ADGRL2: variants seen among roughly 807,000 people sequenced by gnomAD.
The protein encoded by ADGRL2 is calcium-independent alpha-latrotoxin receptor 2.
In ADGRL2, 44 loss-of-function variants were observed where a neutral mutation model predicts 157.4. The ratio of observed to expected loss-of-function variants is 0.28; its 90% CI spans 0.22 to 0.36. ADGRL2 has a LOEUF of 0.36. ADGRL2 is among the 10% of genes least tolerant of loss of function. The pLI, the probability that ADGRL2 is intolerant of heterozygous loss-of-function variation, is 1.00. For missense variants in ADGRL2, 1,510 were observed against 1,768.9 expected, an observed-to-expected ratio of 0.85 and a Z score of 2.63; for synonymous variants, 585 against 624.7, an observed-to-expected ratio of 0.94 and a Z score of 0.95.
At chr1:81,692,646 TTATC>T (rs2083365893) in intron 3 of ADGRL2, among the ~76,000 whole-genome samples, 1 of 152,210 alleles carries the variant, frequency 6.6e-6, no homozygotes, top group Non-Finnish European at 1.5e-5. Context: ...CTCTAAGTGT[TTATC>T]TAAAGATGAT....
intron 2 of ADGRL2, among the ~76,000 whole-genome samples, chr1:81,871,928 T>C (rs1571825906): frequency 6.6e-6 from 1 of 152,198 alleles, no homozygotes; most frequent in East Asian, 1.9e-4. Context: ...AGAAGCTCTT[T>C]AGTTTAATTA....
intron 3 of ADGRL2, among the ~76,000 whole-genome samples, chr1:81,626,695 C>G (rs2081918344): frequency 6.6e-6 from 1 of 152,200 alleles, no homozygotes; most frequent in Non-Finnish European, 1.5e-5. Flanking sequence ...GTCAACTGGC[C>G]AGGGCGGTGG....
At chr1:81,464,972 T>C (rs2078023157) in intron 2 of ADGRL2, among the ~76,000 whole-genome samples, 1 of 150,490 alleles carries the variant, frequency 6.6e-6, no homozygotes, top group Admixed American at 6.6e-5. Context: ...AAAGGAATAC[T>C]TGACAAAGTG....
intron 3 of ADGRL2, among the ~76,000 whole-genome samples, chr1:81,684,924 T>C (rs1046855465): frequency 2.0e-5 from 3 of 152,176 alleles, no homozygotes; most frequent in Non-Finnish European, 4.4e-5. Flanking sequence ...TTTGTTTGCT[T>C]TGTTGAAGAT....
At chr1:81,488,488 T>C (rs943177380) in intron 2 of ADGRL2, among the ~76,000 whole-genome samples, 5 of 150,476 alleles carry the variant, frequency 3.3e-5, no homozygotes, top group African/African-American at 1.2e-4. Flanking sequence ...TAGCTTGAGC[T>C]CAGGAGTTTT....
Position 81,735,782 on chromosome 1 carries a change from T to G in ADGRL2, c.-142-26029T>G, listed in dbSNP as rs2084876413. On this transcript the variant is annotated intron_variant, in intron 1 of 20. Coordinates refer to the ADGRL2 transcript ENST00000359929. ...CCCAGCCTGGGTGACAGAGTGAGAC[T>G]CCATCTCAAAAAAAAAAAGGTGTAA... 2.0e-5 allele frequency among the ~76,000 whole-genome samples: 3 copies of G among 147,000 alleles called. No individual in the cohort carries two copies. In the Admixed American group the frequency reaches 2.0e-4, roughly 10 times the overall value.
intron 2 of ADGRL2, among the ~76,000 whole-genome samples, chr1:81,445,318 G>A (rs545270589): frequency 2.6e-5 from 4 of 152,312 alleles, no homozygotes; most frequent in Non-Finnish European, 2.9e-5. Context: ...GTTGTATGTT[G>A]CTTAAGACTG....
chr1:81,711,734 G>A (rs2083937122), intron 1 of ADGRL2, among the ~76,000 whole-genome samples: 2 of 152,134 alleles, frequency 1.3e-5, no homozygotes, highest in African/African-American at 4.8e-5. Context: ...CATTGCAAAT[G>A]TCAACAGAGT....
In ADGRL2 at chr1:81,993,062, T is replaced by C. The variant is rs1187693894; in HGVS notation, c.*1917T>C. ...TAAGTGCATATATATAATATACATATATATATATATATATATATATATATA... is the reference window on the plus strand; with the variant it reads ...TAAGTGCATATATATAATATACATACATATATATATATATATATATATATA... On this transcript the variant is annotated 3_prime_UTR_variant, in exon 24 of 24. Transcript: ENST00000686636. Among the ~76,000 whole-genome samples, 3 of 24,930 alleles carry C rather than the reference T, an allele frequency of 1.2e-4. No homozygotes were observed. Among genetic ancestry groups the C allele is most frequent in the Non-Finnish European group, 1.3e-4 (2 of 15,898 alleles). 16.4% of individuals were successfully genotyped at this position (24,930 alleles called of 152,430 possible).
chr1:81,359,495 T>C (rs1391479926), intron 1 of ADGRL2, among the ~76,000 whole-genome samples: 1 of 151,996 alleles, frequency 6.6e-6, no homozygotes, highest in Non-Finnish European at 1.5e-5. Flanking sequence ...ATATAAGTAA[T>C]GCCAACTTGG....
intron 4 of ADGRL2, among the ~76,000 whole-genome samples, chr1:81,938,995 G>T (rs753888849): frequency 4.0e-5 from 6 of 151,368 alleles, no homozygotes; most frequent in Admixed American, 6.6e-5. Context: ...TGATAAAATT[G>T]TCACCATCAG....
intron 2 of ADGRL2, among the ~76,000 whole-genome samples, chr1:81,790,780 T>C (rs903489435): frequency 2.0e-5 from 3 of 152,222 alleles, no homozygotes; most frequent in Non-Finnish European, 2.9e-5. Context: ...TACTTCAGTA[T>C]GATTGGTGCA....
At chr1:81,534,302 C>G (rs1387461270) in intron 2 of ADGRL2, among the ~76,000 whole-genome samples, 2 of 152,236 alleles carry the variant, frequency 1.3e-5, no homozygotes, top group South Asian at 4.1e-4. Context: ...CCTGGGATTA[C>G]AGGCACGAGG....
chr1:81,370,068 A>G (rs902770373), intron 1 of ADGRL2, among the ~76,000 whole-genome samples: 1 of 152,164 alleles, frequency 6.6e-6, no homozygotes. Flanking sequence ...CCAAGAAATG[A>G]AAACACACAG....
At chr1:81,879,255 A>G (rs1265726202) in intron 2 of ADGRL2, among the ~76,000 whole-genome samples, 1 of 152,052 alleles carries the variant, frequency 6.6e-6, no homozygotes, top group Non-Finnish European at 1.5e-5. Context: ...TATGCTTAAA[A>G]CACAGAGTAA....
At chr1:81,658,856 A>T (rs2082591471) in intron 3 of ADGRL2, among the ~76,000 whole-genome samples, 1 of 151,438 alleles carries the variant, frequency 6.6e-6, no homozygotes, top group Admixed American at 6.6e-5. Flanking sequence ...GGTTGATGTG[A>T]TTCTCCTGCC....
chr1:81,517,615 G>C (rs537903539), intron 2 of ADGRL2, among the ~76,000 whole-genome samples: 1 of 152,124 alleles, frequency 6.6e-6, no homozygotes, highest in East Asian at 1.9e-4. Context: ...AGGAGAAAGA[G>C]GAAGTAATAG....
At chr1:81,949,136 A>T (rs969972239) in intron 6 of ADGRL2, among the ~76,000 whole-genome samples, 3 of 152,206 alleles carry the variant, frequency 2.0e-5, no homozygotes, top group Non-Finnish European at 4.4e-5. Context: ...GCTCTACTAC[A>T]ACAATTTAAA....
At chr1:81,772,479 A>G (rs918382672) in intron 2 of ADGRL2, among the ~76,000 whole-genome samples, 1 of 152,078 alleles carries the variant, frequency 6.6e-6, no homozygotes, top group African/African-American at 2.4e-5. Flanking sequence ...CTGTAATCCC[A>G]GCACTGTGGG....
Sources: gnomAD v4.1 joint callset for allele counts (sites outside exome capture counted in the v4.1 genomes callset) on GRCh38, gnomAD v4.1.1 for gene constraint, MANE v1.5 for transcripts, NCBI Gene and HGNC (gene_info 2026-07-23, HGNC 2026-07-21) for gene names.